DPP6: variants seen among roughly 807,000 people sequenced by gnomAD.
DPP6 encodes the protein A-type potassium channel modulatory protein DPP6.
Under a neutral mutation model 122.6 loss-of-function variants are expected in DPP6, and 69 were observed. The ratio of observed to expected loss-of-function variants is 0.56; its 90% confidence interval spans 0.46 to 0.69. DPP6 has a LOEUF of 0.69. DPP6 is among the 30% of genes least tolerant of loss of function. The probability of loss-of-function intolerance (pLI) is 0.00; values close to 1 mark genes in which losing one functional copy is unlikely to be tolerated. For synonymous variants in DPP6, 418 were observed against 433.1 expected, an observed-to-expected ratio of 0.97 and a Z score of 0.43; for missense variants, 928 against 1,116.9, an observed-to-expected ratio of 0.83 and a Z score of 2.41.
At chr7:154,304,786 AC>A (rs1806145449) in intron 1 of DPP6, among the ~76,000 whole-genome samples, 1 of 152,094 alleles carries the variant, frequency 6.6e-6, no homozygotes, top group African/African-American at 2.4e-5. Flanking sequence ...GTGCTCCCAG[AC>A]CCCCTTCCTT....
At chr7:154,375,946 G>A (rs1032279450) in intron 1 of DPP6, among the ~76,000 whole-genome samples, 1 of 152,244 alleles carries the variant, frequency 6.6e-6, no homozygotes, top group East Asian at 1.9e-4. Flanking sequence ...TCACCTGCTG[G>A]CCCACCTCGA....
At chr7:154,607,993 T>TC (rs1160266066) in intron 5 of DPP6, among the ~76,000 whole-genome samples, 1 of 115,852 alleles carries the variant, frequency 8.6e-6, no homozygotes, top group Non-Finnish European at 1.9e-5. Flanking sequence ...TTTCTTTTTT[T>TC]TTTTGAGACA....
At chr7:154,048,320 TTGTGTGTGTGTGTA>T (rs1245183469), upstream of DPP6, among the ~76,000 whole-genome samples, 11 of 102,884 alleles carry the variant, frequency 1.1e-4, 2 homozygotes, top group Non-Finnish European at 2.0e-4. Context: ...ATAGCAATTA[TTGTGTGTGTGTGTA>T]TGTGTGTGTG....
chr7:154,615,576 A>G (rs1834188363), intron 5 of DPP6, among the ~76,000 whole-genome samples: 2 of 152,222 alleles, frequency 1.3e-5, no homozygotes, highest in Non-Finnish European at 2.9e-5. Context: ...CACATTCACA[A>G]CGTTGTATAA....
chr7:154,364,583 G>A (rs1811999876), intron 1 of DPP6, among the ~76,000 whole-genome samples: 1 of 152,198 alleles, frequency 6.6e-6, no homozygotes, highest in African/African-American at 2.4e-5. Flanking sequence ...GAGTCCCAGG[G>A]TTTCCTCTGC....
intron 1 of DPP6, among the ~76,000 whole-genome samples, chr7:154,417,949 G>T (rs769560964): frequency 6.6e-6 from 1 of 152,166 alleles, no homozygotes; most frequent in African/African-American, 2.4e-5. Flanking sequence ...AAAATCATTT[G>T]TGTCTCTCCA....
chr7:154,262,540 C>T (rs1400837072), intron 1 of DPP6, among the ~76,000 whole-genome samples: 1 of 151,856 alleles, frequency 6.6e-6, no homozygotes, highest in South Asian at 2.1e-4. Context: ...CTCGGGCTTT[C>T]GGCCTCCAGA....
intron 2 of DPP6, among the ~76,000 whole-genome samples, chr7:154,474,636 A>T (rs187013042): frequency 6.6e-6 from 1 of 152,222 alleles, no homozygotes; most frequent in African/African-American, 2.4e-5. Context: ...TTCCCACCCT[A>T]TTGTTCATAA....
At chr7:154,708,667 A>G (rs1293776238) in intron 7 of DPP6, among the ~76,000 whole-genome samples, 1 of 152,230 alleles carries the variant, frequency 6.6e-6, no homozygotes, top group African/African-American at 2.4e-5. Context: ...CGATAAAAAA[A>G]CCAAAAGACT....
chr7:154,078,467 T>A (rs1461737004), intron 1 of DPP6, among the ~76,000 whole-genome samples: 2 of 151,962 alleles, frequency 1.3e-5, no homozygotes. Context: ...CAGAAAATCT[T>A]GAAAGTGTCT....
chr7:153,958,363 A>G (rs1563048693), intron 1 of DPP6, among the ~76,000 whole-genome samples: 1 of 152,128 alleles, frequency 6.6e-6, no homozygotes, highest in Non-Finnish European at 1.5e-5. Flanking sequence ...CCACCCGAGC[A>G]GGTAGAGAAC....
At chr7:154,153,452 G>A (rs1250258505) in intron 1 of DPP6, among the ~76,000 whole-genome samples, 2 of 152,210 alleles carry the variant, frequency 1.3e-5, no homozygotes, top group East Asian at 1.9e-4. Flanking sequence ...CTCCCAATAT[G>A]CTGGGATTAC....
chr7:154,184,067 A>G (rs1798232371), intron 1 of DPP6, among the ~76,000 whole-genome samples: 1 of 152,110 alleles, frequency 6.6e-6, no homozygotes. Flanking sequence ...GCCTTTATCC[A>G]CAAACATGGA....
At chr7:154,794,460 G>A (rs1212765726) in intron 11 of DPP6, among the ~76,000 whole-genome samples, 4 of 152,220 alleles carry the variant, frequency 2.6e-5, no homozygotes, top group Non-Finnish European at 4.4e-5. Flanking sequence ...CCTGGACGCC[G>A]TCCGCAGTTC....
intron 7 of DPP6, 46 bp downstream of exon 7, chr7:154,669,487 T>A (rs1838413685): frequency 6.5e-7 from 1 of 1,547,012 alleles, no homozygotes; most frequent in Non-Finnish European, 8.7e-7. Flanking sequence ...TTGAGGAAGT[T>A]TCTGTTTTCT....
At chr7:153,991,981 G>A (rs1021676688) in intron 1 of DPP6, among the ~76,000 whole-genome samples, 23 of 152,010 alleles carry the variant, frequency 1.5e-4, no homozygotes, top group African/African-American at 5.6e-4. Context: ...CTGGCATCTG[G>A]CAAGGGCCAT....
Position 154,199,601 on chromosome 7 carries a change from G to A in DPP6, c.243+146538G>A, listed in dbSNP as rs181020770. 1.7e-3 allele frequency among the ~76,000 whole-genome samples: 259 copies of A among 151,598 alleles called. 1 individual carries two copies. Among genetic ancestry groups the A allele is most frequent in the African/African-American group, 6.0e-3 (246 of 41,316 alleles). On this transcript the variant is annotated intron_variant, in intron 1 of 25. Coordinates refer to ENST00000377770, the MANE Select transcript of DPP6 (RefSeq NM_130797.4). The stretch of plus-strand genomic sequence containing the variant: ...TAACCTCATGGCATCTATACTCTCA[G>A]CCACTTTTTTTTTTTTCTTTTTTTT...
chr7:153,906,939 G>A (rs1314354760), intron 1 of DPP6, among the ~76,000 whole-genome samples: 2 of 152,174 alleles, frequency 1.3e-5, no homozygotes, highest in South Asian at 2.1e-4. Context: ...TGACTTTGCT[G>A]TTGTGAATAG....
intron 1 of DPP6, among the ~76,000 whole-genome samples, chr7:154,155,150 G>A (rs1322381247): frequency 6.6e-6 from 1 of 152,224 alleles, no homozygotes; most frequent in Non-Finnish European, 1.5e-5. Context: ...AGCAGGGAAG[G>A]TCTTGGGTGT....
Sources: allele counts gnomAD v4.1 joint callset (sites outside exome capture counted in the v4.1 genomes callset), GRCh38; gene constraint gnomAD v4.1.1; transcripts MANE v1.5; gene names NCBI Gene and HGNC (gene_info 2026-07-23, HGNC 2026-07-21).